The following ZFR variants were observed in gnomAD, a reference collection of about 807,000 sequenced individuals.
ZFR encodes zinc finger RNA-binding protein.
A neutral mutation model predicts 130.7 loss-of-function variants in ZFR; 19 were observed. The ratio of observed to expected loss-of-function variants is 0.15; its 90% CI spans 0.10 to 0.21. ZFR has a LOEUF of 0.21. Ranked by LOEUF, ZFR falls within the 10% of genes least tolerant of loss-of-function variation. ZFR has a pLI of 1.00. For missense variants in ZFR, 872 were observed against 1,321.5 expected, an observed-to-expected ratio of 0.66 and a Z score of 5.27; for synonymous variants, 466 against 456.9, an observed-to-expected ratio of 1.02 and a Z score of -0.25.
chr5:32,371,163 A>G (rs554577740), intron 17 of ZFR, among the ~76,000 whole-genome samples: 1 of 152,278 alleles, frequency 6.6e-6, no homozygotes, highest in African/African-American at 2.4e-5. Context: ...TGAGCCCAGG[A>G]GTTCGAGACC....
chr5:32,403,948 T>C lies in ZFR; in HGVS notation c.1182A>G (p.Ala394=). Residue 394 remains alanine, a synonymous_variant, in exon 7 of 20, where the codon GCA becomes GCG. Coordinates refer to ENST00000265069, the MANE Select transcript of ZFR (RefSeq NM_016107.5). The part of the protein sequence containing the change: ...CELCDVSCTG[A]DAYAAHIRGA... ...CACGAATGTGGGCAGCATACGCATC[T>C]GCTCCTGTACAAGACACATCGCAGA... 3 of 1,609,256 alleles carry C rather than the reference T, an allele frequency of 1.9e-6. No homozygotes were observed. Among genetic ancestry groups the C allele is most frequent in the Non-Finnish European group, 2.5e-6 (3 of 1,177,952 alleles).
At position 32,397,268 on chromosome 5, in the gene ZFR, T is replaced by C. The variant is rs368796563; in HGVS notation, c.1784A>G (p.Asn595Ser). 8.1e-6 allele frequency: 13 copies of C among 1,613,340 alleles called. No homozygotes were observed. Among genetic ancestry groups the C allele is most frequent in the Admixed American group, 3.3e-5 (2 of 59,920 alleles). Reference sequence around the variant, plus strand: ...CCCTTTTAAGTGCATCTCCTTAGCATTGGGATCATTAAAGCTGCACTCGCA... The same window carrying C: ...CCCTTTTAAGTGCATCTCCTTAGCACTGGGATCATTAAAGCTGCACTCGCA... ...KLCECSFNDP[N>S]AKEMHLKGRR... is the part of the protein sequence containing the mutation. Residue 595 changes from asparagine to serine, a missense_variant, in exon 10 of 20, where the codon AAT (asparagine) becomes AGT (serine). Around this residue, in one of 7 missense-constraint regions of ZFR, gnomAD observed 54 missense variants for 119.9 expected, o/e 0.45. Transcript: ENST00000265069.
At chr5:32,424,366 T>C (rs191098107) in intron 2 of ZFR, among the ~76,000 whole-genome samples, 160 of 151,958 alleles carry the variant, frequency 1.1e-3, no homozygotes, top group Non-Finnish European at 8.4e-4. Context: ...CCCGTCTCTA[T>C]TAAAAATACA....
intron 2 of ZFR, among the ~76,000 whole-genome samples, chr5:32,430,159 G>GA (rs1409076591): frequency 7.1e-6 from 1 of 139,990 alleles, no homozygotes; most frequent in Admixed American, 7.1e-5. Flanking sequence ...AGAATTAAAA[G>GA]AAAAAAATTT....
chr5:32,380,095 G>A lies in ZFR; in HGVS notation c.2719C>T (p.Arg907Cys). 1 of 1,614,038 alleles carries A rather than the reference G, an allele frequency of 6.2e-7. No individual in the cohort carries two copies. Among genetic ancestry groups the A allele is most frequent in the Non-Finnish European group, 8.5e-7 (1 of 1,179,896 alleles). Residue 907 changes from arginine to cysteine, a missense_variant, in exon 16 of 20, where the codon CGC (arginine) becomes TGC (cysteine). Coordinates refer to ENST00000265069, the MANE Select transcript of ZFR (RefSeq NM_016107.5). ...QKCLDALAAL[R>C]HAKWFQARAN... ...CGAACCTGGAACCACTTAGCGTGGCGTAGAGCAGCCAGAGCGTCAAGGCAT... is the reference window on the plus strand; with the variant it reads ...CGAACCTGGAACCACTTAGCGTGGCATAGAGCAGCCAGAGCGTCAAGGCAT...
chr5:32,389,986 A>G (rs768965145), intron 12 of ZFR, among the ~76,000 whole-genome samples: 13 of 152,202 alleles, frequency 8.5e-5, no homozygotes, highest in Non-Finnish European at 1.8e-4. Flanking sequence ...CTCTATCTCT[A>G]CTAATAATAC....
chr5:32,417,850 C>T, intron 3 of ZFR, 58 bp from the exon 4 acceptor site: 3 of 1,562,302 alleles, frequency 1.9e-6, no homozygotes, highest in East Asian at 2.2e-5. Context: ...GAAAAAAATA[C>T]TTACTGTATA....
At position 32,397,383 on chromosome 5, in the gene ZFR, A is replaced by AT. The variant is rs1453545153; in HGVS notation, c.1714-46dup. 8 of 1,593,188 alleles carry AT rather than the reference A, an allele frequency of 5.0e-6. No homozygotes were observed. The African/African-American group carries it at 1.1e-4, about 21-fold the overall frequency. On this transcript the variant is annotated intron_variant, in intron 9 of 19. Coordinates refer to ENST00000265069, the MANE Select transcript of ZFR (RefSeq NM_016107.5). ...TCAAGAATCATCATAGTTGAAGATT[A>AT]TATCATTCATAAACCCCCACATATT...
chr5:32,420,901 A>G (rs1342716123), intron 2 of ZFR, among the ~76,000 whole-genome samples: 2 of 152,242 alleles, frequency 1.3e-5, no homozygotes, highest in African/African-American at 4.8e-5. Context: ...GCTTACAGGG[A>G]GCATTTCATT....
At chr5:32,420,394 C>G (rs1291317837) in intron 2 of ZFR, among the ~76,000 whole-genome samples, 1 of 151,470 alleles carries the variant, frequency 6.6e-6, no homozygotes, top group Non-Finnish European at 1.5e-5. Flanking sequence ...GAATTAAAAA[C>G]TAGGATAAAA....
chr5:32,370,312 A>G (rs968921396), intron 17 of ZFR, among the ~76,000 whole-genome samples: 288 of 7,800 alleles, frequency 0.037, 1 homozygote, highest in African/African-American at 0.075. Flanking sequence ...TTGTGGGGGG[A>G]GAGAGAGAGA....
chr5:32,394,437 T>C (rs898141917), intron 11 of ZFR: 7 of 168,368 alleles, frequency 4.2e-5, no homozygotes, highest in African/African-American at 1.7e-4. Flanking sequence ...AATCGTCATC[T>C]GGCACAAACC....
chr5:32,436,222 C>T (rs2111866108), intron 2 of ZFR, among the ~76,000 whole-genome samples: 1 of 140,160 alleles, frequency 7.1e-6, no homozygotes, highest in East Asian at 2.2e-4. Flanking sequence ...GATCTCGGCT[C>T]ACTGCAAGCT....
chr5:32,369,744 C>G (rs1752619451), intron 17 of ZFR, among the ~76,000 whole-genome samples: 1 of 152,002 alleles, frequency 6.6e-6, no homozygotes, highest in Non-Finnish European at 1.5e-5. Flanking sequence ...CCTGGGAAGT[C>G]GAGGCTGCAG....
chr5:32,444,696 C>T lies in ZFR; in HGVS notation c.-38G>A. The T allele has an allele frequency of 6.7e-7, 1 of 1,502,298 alleles. No homozygotes were observed. The highest frequency in any genetic ancestry group is 8.9e-7 in the Non-Finnish European group (1 of 1,125,496). 93.1% of individuals were successfully genotyped at this position (1,502,298 alleles called of 1,614,324 possible). On this transcript the variant is annotated 5_prime_UTR_variant, in exon 1 of 20. Transcript: ENST00000265069. ...CTGCTGCTGAACTCTGAACTCTCACCCGCTGCCTCCCTCCTCTGCCCCGCT... is the reference window on the plus strand; with the variant it reads ...CTGCTGCTGAACTCTGAACTCTCACTCGCTGCCTCCCTCCTCTGCCCCGCT...
intron 15 of ZFR, among the ~76,000 whole-genome samples, chr5:32,384,772 T>C (rs1342883667): frequency 6.6e-6 from 1 of 152,174 alleles, no homozygotes; most frequent in Non-Finnish European, 1.5e-5. Flanking sequence ...TGTTACAGAA[T>C]AGTCCCTAAA....
At chr5:32,425,127 A>G (rs1754045081) in intron 2 of ZFR, among the ~76,000 whole-genome samples, 2 of 152,216 alleles carry the variant, frequency 1.3e-5, no homozygotes, top group Admixed American at 1.3e-4. Context: ...TAAAGTTGAT[A>G]AGTTACAAAA....
intron 8 of ZFR, 103 bp downstream of exon 8, chr5:32,403,003 G>C: frequency 1.7e-6 from 2 of 1,146,286 alleles, no homozygotes; most frequent in Non-Finnish European, 2.5e-6. Flanking sequence ...CAGAGAGAAG[G>C]GAGGAGGCAG....
chr5:32,426,745 T>C (rs1361235332), intron 2 of ZFR, among the ~76,000 whole-genome samples: 1 of 151,962 alleles, frequency 6.6e-6, no homozygotes, highest in East Asian at 1.9e-4. Flanking sequence ...CTAATAAAAC[T>C]ACAATAAATT....
Sources: gnomAD v4.1 joint callset for allele counts (sites outside exome capture counted in the v4.1 genomes callset) on GRCh38, gnomAD v4.1.1 for gene constraint, gnomAD v4.1.1 regional missense constraint, MANE v1.5 for transcripts, NCBI Gene and HGNC (gene_info 2026-07-23, HGNC 2026-07-21) for gene names.